Variants in PTPRF observed in about 807,000 individuals in gnomAD.
PTPRF encodes the protein protein tyrosine phosphatase receptor type F.
PTPRF carries 59 observed loss-of-function variants against 201.8 expected under a neutral mutation model. That is an observed-to-expected ratio of 0.29 (90% CI 0.24 to 0.36). The LOEUF (loss-of-function observed/expected upper bound fraction) is 0.36, where lower values mean the gene tolerates loss of function less well. Among genes scored for constraint, PTPRF ranks in the 10% least tolerant of loss-of-function variants. PTPRF has a pLI of 1.00. For synonymous variants in PTPRF, 1,088 were observed against 1,089.7 expected, an observed-to-expected ratio of 1.00 and a Z score of 0.03; for missense variants, 2,132 against 2,690.5, an observed-to-expected ratio of 0.79 and a Z score of 4.59.
intron 6 of PTPRF, 91 bp from the exon 7 acceptor site, chr1:43,578,719 A>G (rs1003759874): frequency 5.3e-6 from 5 of 952,064 alleles, no homozygotes; most frequent in Non-Finnish European, 8.2e-6. Flanking sequence ...TCTGGTCAAC[A>G]TCAGCCACAG....
In PTPRF at chr1:43,613,116, C is replaced by A. The variant is rs117904403; in HGVS notation, c.3974-502C>A. On this transcript the variant is annotated intron_variant, in intron 22 of 33. Transcript: ENST00000359947. ...ATCTCCTCTCCTCTGTCTCACACCC[C>A]CCTCCTGGTCTCTGCTTCTCTCTCT... The A allele has an allele frequency of 2.4e-3, 802 of 338,544 alleles. 18 individuals are homozygous for A. In the East Asian group the frequency reaches 0.048, roughly 20 times the overall value. The allele number at this position is 338,544 out of a possible 1,614,324, so 21.0% of individuals were successfully genotyped here. A position where few individuals can be genotyped will look rare whatever the true frequency, so the allele number is the denominator to read the frequency against.
At position 43,542,028 on chromosome 1, in the gene PTPRF, C is replaced by T. The variant is rs904861555; in HGVS notation, c.-45-3003C>T. ...TTCACAAGATGCTCAACCTCGCAAC[C>T]GCAGTCAGGCTAGCAGCAGCCCTGC... On this transcript the variant is annotated intron_variant, in intron 2 of 33. Coordinates refer to ENST00000359947, the MANE Select transcript of PTPRF (RefSeq NM_002840.5). The surrounding 1 kb of genome is among the most constrained non-coding windows in gnomAD (Gnocchi z 5.2). Among the ~76,000 whole-genome samples, 7 of 152,100 alleles carry T rather than the reference C, an allele frequency of 4.6e-5. No homozygotes were observed. The highest frequency in any genetic ancestry group is 4.6e-4 in the Admixed American group (7 of 15,280).
chr1:43,544,047 A>G (rs753301295), intron 2 of PTPRF, among the ~76,000 whole-genome samples: 8 of 152,170 alleles, frequency 5.3e-5, no homozygotes, highest in African/African-American at 9.7e-5. Flanking sequence ...GCCATGCTAG[A>G]GGCTTCACCC....
chr1:43,618,490 G>A (rs1169966190), intron 25 of PTPRF, 140 bp from the exon 26 acceptor site: 2 of 1,010,410 alleles, frequency 2.0e-6, no homozygotes, highest in Non-Finnish European at 2.9e-6. Context: ...GAGGACAGGG[G>A]GCAATGGATC....
intron 1 of PTPRF, among the ~76,000 whole-genome samples, chr1:43,531,701 TG>T (rs1283639634): frequency 6.6e-6 from 1 of 151,822 alleles, no homozygotes; most frequent in Non-Finnish European, 1.5e-5. Flanking sequence ...GAGCACGGGA[TG>T]GGGAGGGGCC....
At position 43,603,094 on chromosome 1, in the gene PTPRF, G is replaced by A. The variant is rs920137638; in HGVS notation, c.2341-322G>A. Among the ~76,000 whole-genome samples the A allele has an allele frequency of 2.6e-5, 4 of 152,188 alleles. No homozygotes were observed. Among genetic ancestry groups the A allele is most frequent in the African/African-American group, 9.7e-5 (4 of 41,442 alleles). On this transcript the variant is annotated intron_variant, in intron 14 of 33. Coordinates refer to ENST00000359947, the MANE Select transcript of PTPRF (RefSeq NM_002840.5). The surrounding 1 kb of genome is among the most constrained non-coding windows in gnomAD (Gnocchi z 5.8). The stretch of plus-strand genomic sequence containing the variant: ...CAAGGTGCTGGGTGCGTGCGAGGCT[G>A]TGCCCTGTTGATATCCTCAGTCTCC...
intron 6 of PTPRF, among the ~76,000 whole-genome samples, chr1:43,574,617 G>A (rs1380569699): frequency 1.3e-5 from 2 of 152,190 alleles, no homozygotes; most frequent in Non-Finnish European, 2.9e-5. Context: ...GAGAGAAAGT[G>A]TATAAAGCAA....
At chr1:43,594,518 G>C (rs913059155) in intron 11 of PTPRF, among the ~76,000 whole-genome samples, 7 of 152,050 alleles carry the variant, frequency 4.6e-5, no homozygotes, top group Non-Finnish European at 8.8e-5. Context: ...CTGTGAGAAT[G>C]GACAGGGCAG....
intron 6 of PTPRF, among the ~76,000 whole-genome samples, chr1:43,577,645 CA>C (rs939680635): frequency 5.9e-5 from 9 of 152,126 alleles, no homozygotes; most frequent in Non-Finnish European, 1.2e-4. Context: ...CCAGTCCAGG[CA>C]GGGGGGGCCC....
intron 6 of PTPRF, among the ~76,000 whole-genome samples, chr1:43,578,102 C>T (rs1040004652): frequency 4.9e-4 from 74 of 152,356 alleles, no homozygotes; most frequent in African/African-American, 1.6e-3. Flanking sequence ...TGTCCGTCTG[C>T]GGCCAGAGCA....
At chr1:43,604,221 AG>A in intron 16 of PTPRF, 32 bp downstream of exon 16, 1 of 1,596,736 alleles carries the variant, frequency 6.3e-7, no homozygotes. Context: ...TCCCTTCCCG[AG>A]TGTGGCTGCA....
chr1:43,541,819 G>A (rs191592929), intron 2 of PTPRF, among the ~76,000 whole-genome samples: 1 of 152,270 alleles, frequency 6.6e-6, no homozygotes, highest in African/African-American at 2.4e-5. Context: ...ATATCATACC[G>A]TATGTAATTG....
chr1:43,550,299 T>A (rs1644941107), intron 3 of PTPRF, among the ~76,000 whole-genome samples: 1 of 152,302 alleles, frequency 6.6e-6, no homozygotes, highest in Non-Finnish European at 1.5e-5. Flanking sequence ...GACCCACACC[T>A]GGCTCTCCTC....
chr1:43,591,543 G>A lies in PTPRF; in HGVS notation c.1521G>A (p.Thr507=), dbSNP rs753136915. The change falls in exon 9 of 34, where the codon ACG becomes ACA. Residue 507 remains threonine, a synonymous_variant. Coordinates refer to ENST00000359947, the MANE Select transcript of PTPRF (RefSeq NM_002840.5). ...CCAGCCCCACCATCCAGGTCAAGAC[G>A]CAGCAGGGAGGTAGGTGGGGGCATG... The part of the protein sequence containing the change: ...GPPSPTIQVK[T]QQGVPAQPAD... 11 of 1,576,562 alleles carry A rather than the reference G, an allele frequency of 7.0e-6. No individual in the cohort carries two copies. Among genetic ancestry groups the A allele is most frequent in the South Asian group, 2.3e-5 (2 of 87,352 alleles).
rs540396539 is a variant in PTPRF at position 43,623,135 on chromosome 1, G to C, written c.*1132G>C. ...CACCCCATGCACCTCAGGGCCAAGC[G>C]GGGGCGTGGCTGGCCTTTCAGGTCC... is the stretch of plus-strand genomic sequence containing the variant. On this transcript the variant is annotated 3_prime_UTR_variant, in exon 34 of 34. Transcript: ENST00000359947. 9 of 152,744 alleles carry C rather than the reference G, an allele frequency of 5.9e-5. No individual in the cohort carries two copies. Among genetic ancestry groups the C allele is most frequent in the Non-Finnish European group, 1.2e-4 (8 of 68,106 alleles). The allele number at this position is 152,744 out of a possible 1,614,324, so 9.5% of individuals were successfully genotyped here. A position where few individuals can be genotyped will look rare whatever the true frequency, so the allele number is the denominator to read the frequency against.
At chr1:43,619,629 AC>A in intron 28 of PTPRF, 50 bp from the exon 29 acceptor site, 5 of 1,609,428 alleles carry the variant, frequency 3.1e-6, no homozygotes, top group South Asian at 1.1e-5. Flanking sequence ...CATGCAGATG[AC>A]CCCCACCCCC....
intron 8 of PTPRF, among the ~76,000 whole-genome samples, chr1:43,589,310 A>C (rs1270350595): frequency 6.6e-6 from 1 of 151,840 alleles, no homozygotes; most frequent in Non-Finnish European, 1.5e-5. Context: ...TCCATTTTTG[A>C]AACGAGGGAA....
At chr1:43,612,260 G>A (rs141319967) in intron 22 of PTPRF, among the ~76,000 whole-genome samples, 268 of 152,262 alleles carry the variant, frequency 1.8e-3, no homozygotes, top group African/African-American at 6.1e-3. Context: ...CAGAAGTGTT[G>A]CAGTGAGCAG....
At chr1:43,540,669 C>CT (rs1168376275) in intron 2 of PTPRF, among the ~76,000 whole-genome samples, 3 of 152,218 alleles carry the variant, frequency 2.0e-5, no homozygotes, top group Non-Finnish European at 4.4e-5. Flanking sequence ...GATGGAGAAA[C>CT]TGAGAGCTGC....
Sources: gnomAD v4.1 joint callset for allele counts (sites outside exome capture counted in the v4.1 genomes callset) on GRCh38, gnomAD v4.1.1 for gene constraint, Gnocchi (gnomAD v3.1) non-coding constraint, MANE v1.5 for transcripts, NCBI Gene and HGNC (gene_info 2026-07-23, HGNC 2026-07-21) for gene names.